The following GNG7 variants were observed in gnomAD, a reference collection of about 807,000 sequenced individuals.
GNG7 encodes the protein guanine nucleotide-binding protein G(I)/G(S)/G(O) subunit gamma-7.
A neutral mutation model predicts 4.0 loss-of-function variants in GNG7; 1 was observed. That is an observed-to-expected ratio of 0.25 (90% CI 0.09 to 1.18). GNG7 has a LOEUF of 1.18. Among genes scored for constraint, GNG7 ranks in the 50% most tolerant of loss-of-function variants. The pLI is 0.50. For synonymous variants in GNG7, 34 were observed against 36.9 expected (o/e 0.92, Z 0.29); for missense variants, 86 against 91.9 (o/e 0.94, Z 0.26).
At chr19:2,559,478 A>G (rs948604230) in intron 2 of GNG7, among the ~76,000 whole-genome samples, 46 of 150,902 alleles carry the variant, frequency 3.0e-4, no homozygotes, top group African/African-American at 7.6e-4. Context: ...TGGCCTCCAG[A>G]GTAGCTGGGA....
chr19:2,595,737 A>T (rs1484401146), intron 2 of GNG7, among the ~76,000 whole-genome samples: 1 of 150,812 alleles, frequency 6.6e-6, no homozygotes, highest in African/African-American at 2.4e-5. Context: ...TCTGTCTCAA[A>T]AAAAAAAAAA....
At chr19:2,672,544 T>G (rs1983481882) in intron 1 of GNG7, among the ~76,000 whole-genome samples, 1 of 151,896 alleles carries the variant, frequency 6.6e-6, no homozygotes, top group Non-Finnish European at 1.5e-5. Context: ...CCTCCCATGT[T>G]GAAGCAATTC....
intron 2 of GNG7, among the ~76,000 whole-genome samples, chr19:2,580,625 C>A (rs971052186): frequency 1.3e-5 from 2 of 149,684 alleles, no homozygotes; most frequent in African/African-American, 4.9e-5. Context: ...ATTTTAGAGA[C>A]AAGGTCTTGC....
At chr19:2,555,800 G>A (rs1048038460) in intron 2 of GNG7, among the ~76,000 whole-genome samples, 4 of 152,064 alleles carry the variant, frequency 2.6e-5, no homozygotes, top group Non-Finnish European at 5.9e-5. Context: ...GGGCGGTTGG[G>A]GCCTTTGGAG....
At chr19:2,587,890 G>GGAAGGAAA (rs33950306) in intron 2 of GNG7, among the ~76,000 whole-genome samples, 2 of 131,672 alleles carry the variant, frequency 1.5e-5, no homozygotes, top group Non-Finnish European at 3.2e-5. Flanking sequence ...AAGGAAGGAA[G>GGAAGGAAA]GAAAGAAAAG....
At chr19:2,531,533 AGGCCGGGCGCGGT>A (rs1222397638) in intron 3 of GNG7, among the ~76,000 whole-genome samples, 2 of 152,056 alleles carry the variant, frequency 1.3e-5, no homozygotes, top group Non-Finnish European at 2.9e-5. Flanking sequence ...TCCGCAATAC[AGGCCGGGCGCGGT>A]GGCTCACGAG....
rs759887588 is a variant in GNG7 at position 2,557,040 on chromosome 19, C to T, written c.-77-1852G>A. On this transcript the variant is annotated intron_variant, in intron 2 of 4. Transcript: ENST00000382159. This position sits in a 1 kb window ranked among gnomAD's most constrained non-coding sequence, Gnocchi z 5.1. ...ACACACACACGCACACACAGACACACGCACACTCACACACATATGCACGCA... is the reference window on the plus strand; with the variant it reads ...ACACACACACGCACACACAGACACATGCACACTCACACACATATGCACGCA... 1.3e-5 allele frequency among the ~76,000 whole-genome samples: 2 copies of T among 149,722 alleles called. No homozygotes were observed. Among genetic ancestry groups the T allele is most frequent in the African/African-American group, 4.9e-5 (2 of 40,580 alleles).
intron 3 of GNG7, among the ~76,000 whole-genome samples, chr19:2,522,751 CAAAAAAAA>C (rs59490251): frequency 6.8e-5 from 3 of 43,866 alleles, no homozygotes; most frequent in African/African-American, 9.7e-5. Context: ...GACTCTGTCT[CAAAAAAAA>C]AAAAAAAAAA....
intron 2 of GNG7, among the ~76,000 whole-genome samples, chr19:2,604,047 T>A (rs1363868944): frequency 6.6e-6 from 1 of 151,972 alleles, no homozygotes; most frequent in African/African-American, 2.4e-5. Context: ...AGACGGGGTT[T>A]CACTGTGTTA....
chr19:2,552,648 A>G (rs62121718), intron 3 of GNG7, among the ~76,000 whole-genome samples: 39,591 of 150,482 alleles, frequency 0.26, 5,293 homozygotes, highest in African/African-American at 0.29. Flanking sequence ...GCCTCCCAAA[A>G]TGCTGGGGTT....
At chr19:2,694,545 A>G (rs1233683727) in intron 1 of GNG7, among the ~76,000 whole-genome samples, 1 of 151,940 alleles carries the variant, frequency 6.6e-6, no homozygotes, top group Non-Finnish European at 1.5e-5. Context: ...TTATTTGGGA[A>G]AAAAATCAAG....
chr19:2,663,467 C>T (rs1289875408), intron 1 of GNG7, among the ~76,000 whole-genome samples: 1 of 152,112 alleles, frequency 6.6e-6, no homozygotes, highest in Non-Finnish European at 1.5e-5. Flanking sequence ...TTGGACTTCC[C>T]AGTCCCTAGA....
chr19:2,576,201 A>G (rs1289927638), intron 2 of GNG7, among the ~76,000 whole-genome samples: 2 of 152,250 alleles, frequency 1.3e-5, no homozygotes, highest in East Asian at 3.8e-4. Flanking sequence ...TCCAAGACTG[A>G]GTTTCCCAAC....
intron 3 of GNG7, among the ~76,000 whole-genome samples, chr19:2,526,617 T>C (rs1291659620): frequency 4.2e-5 from 5 of 119,464 alleles, no homozygotes; most frequent in African/African-American, 1.8e-4. Flanking sequence ...TATATAGTTT[T>C]AGTATTTAGT....
At chr19:2,687,915 G>C (rs950347848) in intron 1 of GNG7, among the ~76,000 whole-genome samples, 1 of 150,028 alleles carries the variant, frequency 6.7e-6, no homozygotes, top group Non-Finnish European at 1.5e-5. Flanking sequence ...AGCTGAGATC[G>C]TGCCACTGTA....
At position 2,569,537 on chromosome 19, in the gene GNG7, A is replaced by G. The variant is rs572901195; in HGVS notation, c.-77-14349T>C. On this transcript the variant is annotated intron_variant, in intron 2 of 4. Coordinates refer to ENST00000382159, the MANE Select transcript of GNG7 (RefSeq NM_052847.3). ...GGATCCACCCGCCTCGGCCTCCCAA[A>G]GTGCTGGGATTACAGGCGTGAGTCA... is the stretch of plus-strand genomic sequence containing the variant. Among the ~76,000 whole-genome samples the G allele has an allele frequency of 2.0e-4, 31 of 152,294 alleles. 1 individual carries two copies. Among genetic ancestry groups the G allele is most frequent in the Middle Eastern group, 3.4e-3 (1 of 294 alleles).
rs564173651 is a variant in GNG7, at chr19:2,565,955, C to T, written c.-77-10767G>A. ...GGCGGATCATCTGAGGTTAGGAGTT[C>T]GAGACCAGCCTGGCCAACATGGTGA... On this transcript the variant is annotated intron_variant, in intron 2 of 4. Transcript: ENST00000382159. Among the ~76,000 whole-genome samples, 29 of 152,162 alleles carry T rather than the reference C, an allele frequency of 1.9e-4. 1 individual carries two copies. Among genetic ancestry groups the T allele is most frequent in the Admixed American group, 8.5e-4 (13 of 15,278 alleles).
chr19:2,637,282 A>C (rs542748173), intron 2 of GNG7, among the ~76,000 whole-genome samples: 118 of 151,408 alleles, frequency 7.8e-4, no homozygotes, highest in African/African-American at 2.7e-3. Context: ...CTGCAGAAGG[A>C]TAGGAGCAGG....
chr19:2,596,572 G>A (rs1450085066), intron 2 of GNG7, among the ~76,000 whole-genome samples: 1 of 152,014 alleles, frequency 6.6e-6, no homozygotes, highest in African/African-American at 2.4e-5. Flanking sequence ...AGGAGGTTGA[G>A]GTGGGAGGAT....
Sources: gnomAD v4.1 joint callset for allele counts (sites outside exome capture counted in the v4.1 genomes callset) on GRCh38, gnomAD v4.1.1 for gene constraint, Gnocchi (gnomAD v3.1) non-coding constraint, MANE v1.5 for transcripts, NCBI Gene and HGNC (gene_info 2026-07-23, HGNC 2026-07-21) for gene names.